GSE1: variants seen among roughly 807,000 people sequenced by gnomAD.
The protein encoded by GSE1 is Gse1 coiled-coil protein.
GSE1 carries 32 observed loss-of-function variants against 112.6 expected under a neutral mutation model. That is an observed-to-expected ratio of 0.28 (90% CI 0.21 to 0.38). The LOEUF (loss-of-function observed/expected upper bound fraction) is 0.38, where lower values mean the gene tolerates loss of function less well. GSE1 is among the 10% of genes least tolerant of loss of function. The probability of loss-of-function intolerance (pLI) is 1.00; values close to 1 mark genes in which losing one functional copy is unlikely to be tolerated. For missense variants in GSE1, 2,348 were observed against 1,699.2 expected, an observed-to-expected ratio of 1.38 and a Z score of -6.71; for synonymous variants, 1,115 against 735.6, an observed-to-expected ratio of 1.52 and a Z score of -8.35.
intron 2 of GSE1, among the ~76,000 whole-genome samples, chr16:85,360,889 C>G (rs937476304): frequency 6.6e-6 from 1 of 151,842 alleles, no homozygotes; most frequent in African/African-American, 2.4e-5. Flanking sequence ...TTCCCAAGCA[C>G]ACGATATGCA....
chr16:85,226,339 A>G (rs779420649), intron 1 of GSE1, among the ~76,000 whole-genome samples: 1 of 152,240 alleles, frequency 6.6e-6, no homozygotes, highest in Non-Finnish European at 1.5e-5. Context: ...AGTCATCTAC[A>G]ATTTTATTTT....
chr16:85,346,623 G>GATGT (rs2046746247), intron 1 of GSE1, among the ~76,000 whole-genome samples: 1 of 151,000 alleles, frequency 6.6e-6, no homozygotes, highest in Non-Finnish European at 1.5e-5. Context: ...TGGATGGATG[G>GATGT]ATGGATGATG....
chr16:85,657,383 C>G lies in GSE1; in HGVS notation c.1419C>G (p.Gly473=). The change falls in exon 8 of 16, where the codon GGC becomes GGG. Residue 473 remains glycine (G), a synonymous_variant. Coordinates refer to ENST00000253458, the MANE Select transcript of GSE1 (RefSeq NM_014615.5). ...TGCCCAGCCTCATCTCCAACCATGG[C>G]ATCTTCTCTCTGCCTAGCAGCAGTG... ...HTVPSLISNH[G]IFSLPSSSAA... is the part of the protein sequence containing the mutation. 1 of 1,612,564 alleles carries G rather than the reference C, an allele frequency of 6.2e-7. No individual in the cohort carries two copies. The highest frequency in any genetic ancestry group is 8.5e-7 in the Non-Finnish European group (1 of 1,179,808).
chr16:85,181,023 T>C (rs935735212), intron 1 of GSE1, among the ~76,000 whole-genome samples: 5 of 152,358 alleles, frequency 3.3e-5, no homozygotes, highest in Non-Finnish European at 2.9e-5. Context: ...ATTTTACATA[T>C]AGAAAGAACA....
At chr16:85,329,360 C>T (rs544327620) in intron 1 of GSE1, among the ~76,000 whole-genome samples, 264 of 152,224 alleles carry the variant, frequency 1.7e-3, no homozygotes, top group African/African-American at 6.1e-3. Context: ...CTAGGGGCGG[C>T]GTGGGGAAGA....
At chr16:85,570,106 T>C (rs1395662634) in intron 1 of GSE1, among the ~76,000 whole-genome samples, 1 of 152,202 alleles carries the variant, frequency 6.6e-6, no homozygotes, top group African/African-American at 2.4e-5. Context: ...GCCGTCGGGC[T>C]AGCTGAGTGG....
chr16:85,421,912 A>T (rs1006455131), intron 2 of GSE1, among the ~76,000 whole-genome samples: 5 of 152,136 alleles, frequency 3.3e-5, no homozygotes, highest in African/African-American at 1.2e-4. Flanking sequence ...CTCCTCTGGC[A>T]GGCCCATGCT....
intron 2 of GSE1, among the ~76,000 whole-genome samples, chr16:85,370,078 G>C (rs1471722): frequency 6.6e-6 from 1 of 152,028 alleles, no homozygotes; most frequent in African/African-American, 2.4e-5. Flanking sequence ...CCACCCTTGC[G>C]GGGCAGGGGC....
chr16:85,641,325 A>G (rs151104803), intron 2 of GSE1, among the ~76,000 whole-genome samples: 47 of 152,270 alleles, frequency 3.1e-4, no homozygotes, highest in Non-Finnish European at 5.9e-4. Context: ...GGCAAAACGC[A>G]TCTCCAGCTA....
intron 1 of GSE1, among the ~76,000 whole-genome samples, chr16:85,320,328 C>T (rs2046076503): frequency 6.6e-6 from 1 of 152,198 alleles, no homozygotes; most frequent in African/African-American, 2.4e-5. Context: ...AACACCAGGC[C>T]CGTTTGCCTC....
chr16:85,625,338 G>C (rs756415622), intron 1 of GSE1, among the ~76,000 whole-genome samples: 8 of 152,194 alleles, frequency 5.3e-5, no homozygotes, highest in African/African-American at 1.9e-4. Flanking sequence ...GGACCAGTCC[G>C]TGGCCGTGAA....
At chr16:85,261,764 A>G (rs1291721443) in intron 1 of GSE1, among the ~76,000 whole-genome samples, 1 of 152,218 alleles carries the variant, frequency 6.6e-6, no homozygotes, top group East Asian at 1.9e-4. Context: ...TTTGTATGCC[A>G]GAGCCGCCAT....
upstream of GSE1, chr16:85,554,960 C>G: frequency 1.0e-6 from 1 of 985,400 alleles, no homozygotes; most frequent in South Asian, 4.7e-5. Flanking sequence ...GAGAGGCGAG[C>G]CCGGCTTCCT....
At chr16:85,304,972 C>G (rs1017769478) in intron 1 of GSE1, among the ~76,000 whole-genome samples, 1 of 152,236 alleles carries the variant, frequency 6.6e-6, no homozygotes, top group African/African-American at 2.4e-5. Context: ...GGACCCACTT[C>G]CACACCCTTC....
At chr16:85,385,713 G>A (rs1260449946) in intron 2 of GSE1, among the ~76,000 whole-genome samples, 1 of 152,228 alleles carries the variant, frequency 6.6e-6, no homozygotes. Flanking sequence ...GCTCTCGCGA[G>A]GCAGCCGGCC....
chr16:85,672,747 A>T lies in GSE1; in HGVS notation c.*208A>T, dbSNP rs113562408. Reference sequence around the variant, plus strand: ...GAATCACCGTTGTCATTCAGCGAGCAACCAATGTAGGATTGCCCACAGTTT... The same window carrying T: ...GAATCACCGTTGTCATTCAGCGAGCTACCAATGTAGGATTGCCCACAGTTT... On this transcript the variant is annotated 3_prime_UTR_variant, in exon 16 of 16. Coordinates refer to ENST00000253458, the MANE Select transcript of GSE1 (RefSeq NM_014615.5). 9.8e-6 allele frequency: 4 copies of T among 409,534 alleles called. No individual in the cohort carries two copies. The East Asian group carries it at 1.5e-4, about 15-fold the overall frequency. The allele number at this position is 409,534 out of a possible 1,614,324, so 25.4% of individuals were successfully genotyped here. A position where few individuals can be genotyped will look rare whatever the true frequency, so the allele number is the denominator to read the frequency against.
chr16:85,379,024 C>G (rs112640241), intron 2 of GSE1, among the ~76,000 whole-genome samples: 21 of 152,312 alleles, frequency 1.4e-4, no homozygotes, highest in African/African-American at 4.8e-4. Flanking sequence ...AGCCACCTAT[C>G]GCCTGCACCA....
intron 2 of GSE1, among the ~76,000 whole-genome samples, chr16:85,646,892 A>AGGG (rs55946477): frequency 1.2e-4 from 16 of 128,812 alleles, no homozygotes; most frequent in Non-Finnish European, 2.0e-4. Flanking sequence ...CCCCACAACA[A>AGGG]GGGGGGGGGT....
intron 2 of GSE1, among the ~76,000 whole-genome samples, chr16:85,530,466 G>A (rs1274828927): frequency 2.0e-5 from 3 of 152,094 alleles, no homozygotes; most frequent in South Asian, 2.1e-4. Context: ...TCGACACTGA[G>A]CCAGCAGGGA....
Sources: gnomAD v4.1 joint callset for allele counts (sites outside exome capture counted in the v4.1 genomes callset) on GRCh38, gnomAD v4.1.1 for gene constraint, MANE v1.5 for transcripts, NCBI Gene and HGNC (gene_info 2026-07-23, HGNC 2026-07-21) for gene names.